Variants in TNN observed in about 807,000 individuals in gnomAD.
TNN encodes the protein tenascin N.
Under a neutral mutation model 134.4 loss-of-function variants are expected in TNN, and 122 were observed. The observed-to-expected ratio is 0.91, with a 90% CI of 0.78 to 1.06. The LOEUF (loss-of-function observed/expected upper bound fraction) is 1.06. Ranked by LOEUF, TNN falls within the 50% of genes least tolerant of loss-of-function variation. The pLI, the probability that TNN is intolerant of heterozygous loss-of-function variation, is 0.00. For synonymous variants in TNN, 710 were observed against 670.3 expected (o/e 1.06, Z -0.91); for missense variants, 1,739 against 1,699.4 (o/e 1.02, Z -0.41).
intron 9 of TNN, among the ~76,000 whole-genome samples, chr1:175,112,282 G>T (rs894842733): frequency 2.6e-5 from 4 of 152,006 alleles, no homozygotes; most frequent in Non-Finnish European, 5.9e-5. Flanking sequence ...TATGTGATGT[G>T]TCACATTTAT....
intron 15 of TNN, among the ~76,000 whole-genome samples, chr1:175,134,880 C>T (rs1675758271): frequency 6.6e-6 from 1 of 152,206 alleles, no homozygotes; most frequent in Non-Finnish European, 1.5e-5. Context: ...ACACTACAAG[C>T]TAGAGACGAA....
chr1:175,091,867 G>A (rs1279848625), intron 6 of TNN, among the ~76,000 whole-genome samples: 1 of 152,198 alleles, frequency 6.6e-6, no homozygotes, highest in Admixed American at 6.5e-5. Context: ...TGGAATTACA[G>A]GTATGAGCTG....
intron 6 of TNN, among the ~76,000 whole-genome samples, chr1:175,087,823 T>C (rs1674353002): frequency 6.6e-6 from 1 of 152,240 alleles, no homozygotes; most frequent in African/African-American, 2.4e-5. Context: ...TTCTGACCAA[T>C]CAGCTAGAAA....
intron 15 of TNN, among the ~76,000 whole-genome samples, chr1:175,132,287 A>G (rs1675694575): frequency 6.6e-6 from 1 of 152,186 alleles, no homozygotes; most frequent in South Asian, 2.1e-4. Context: ...CAGAAAGATA[A>G]GATTTATGCG....
intron 1 of TNN, among the ~76,000 whole-genome samples, chr1:175,077,182 C>T (rs762193846): frequency 1.3e-5 from 2 of 152,126 alleles, no homozygotes; most frequent in Non-Finnish European, 2.9e-5. Flanking sequence ...GCAGTGTGAA[C>T]AGTAAGCAAA....
intron 1 of TNN, among the ~76,000 whole-genome samples, chr1:175,075,694 T>C (rs11578961): frequency 0.29 from 44,204 of 152,154 alleles, 8,218 homozygotes; most frequent in African/African-American, 0.53. Context: ...TGACTAATCC[T>C]TGCTCACATA....
At chr1:175,110,964 C>T (rs1395009055) in intron 9 of TNN, among the ~76,000 whole-genome samples, 4 of 151,474 alleles carry the variant, frequency 2.6e-5, no homozygotes, top group Non-Finnish European at 5.9e-5. Flanking sequence ...CATTTGAGGT[C>T]AGGAGTTCAA....
chr1:175,128,865 G>C, intron 15 of TNN, 119 bp downstream of exon 15: 1 of 1,161,654 alleles, frequency 8.6e-7, no homozygotes, highest in Non-Finnish European at 1.1e-6. Context: ...CCATGGAAGA[G>C]AGGAGTTTTG....
chr1:175,097,285 A>T, intron 7 of TNN, 132 bp from the exon 8 acceptor site: 1 of 1,185,484 alleles, frequency 8.4e-7, no homozygotes, highest in Non-Finnish European at 1.2e-6. Context: ...TTAGACCTTT[A>T]CATTAACTCA....
rs536821329 is a variant in TNN at position 175,102,674 on chromosome 1, G to A, written c.2119+4079G>A. Among the ~76,000 whole-genome samples the A allele has an allele frequency of 4.0e-4, 59 of 145,744 alleles. 5 individuals carry two copies. The highest frequency in any genetic ancestry group is 7.0e-4 in the East Asian group (3 of 4,274). On this transcript the variant is annotated intron_variant, in intron 9 of 18. Coordinates refer to ENST00000239462, the MANE Select transcript of TNN (RefSeq NM_022093.2). ...CCATGCGCAGCCCTGGTTCCCACTC[G>A]CGCCTCTCCCTCCACACCTCCCCGC... is the stretch of plus-strand genomic sequence containing the variant.
chr1:175,092,874 G>A (rs1053587717), intron 6 of TNN, among the ~76,000 whole-genome samples: 1 of 152,158 alleles, frequency 6.6e-6, no homozygotes, highest in African/African-American at 2.4e-5. Context: ...ACCTTTGAAA[G>A]CTCCAAAGCC....
At chr1:175,135,769 C>T (rs2101850373) in intron 15 of TNN, 76 bp from the exon 16 acceptor site, 1 of 1,182,296 alleles carries the variant, frequency 8.5e-7, no homozygotes, top group Non-Finnish European at 1.3e-6. Context: ...TATGAGCAAG[C>T]TCTTGGTCTT....
At chr1:175,076,089 G>C (rs1225243465) in intron 1 of TNN, among the ~76,000 whole-genome samples, 1 of 152,174 alleles carries the variant, frequency 6.6e-6, no homozygotes, top group Non-Finnish European at 1.5e-5. Flanking sequence ...AAAATGTGAG[G>C]TGAAAGCTGG....
rs998042531 is a variant in TNN, at chr1:175,080,096, A to G, written c.785-67A>G. 47 of 1,585,318 alleles carry G rather than the reference A, an allele frequency of 3.0e-5. No individual in the cohort carries two copies. The Middle Eastern group carries it at 1.1e-3, about 38-fold the overall frequency. Reference sequence around the variant, plus strand: ...ACACCCACCCTTATAGTGCTCAGGGAATACTCACTGGGTCTGGATCGCCTC... The same window carrying G: ...ACACCCACCCTTATAGTGCTCAGGGGATACTCACTGGGTCTGGATCGCCTC... On this transcript the variant is annotated intron_variant, in intron 3 of 18. Transcript: ENST00000239462.
chr1:175,127,019 G>A lies in TNN; in HGVS notation c.2979G>A (p.Trp993Ter), dbSNP rs1352910020. 1 of 1,614,014 alleles carries A rather than the reference G, an allele frequency of 6.2e-7. No individual in the cohort carries two copies. Among genetic ancestry groups the A allele is most frequent in the African/African-American group, 1.3e-5 (1 of 74,916 alleles). The stretch of plus-strand genomic sequence containing the variant: ...CGCAGTCTGGTGGCATATTGACCTG[G>A]ACGCCCCCCTCTGCTCAGATCCACG... Reference protein sequence around the residue: ...AVTQSGGILTWTPPSAQIHGY... With the variant: ...AVTQSGGILT Residue 993 changes from tryptophan to a stop codon, truncating the protein, a stop_gained, in exon 13 of 19, where the codon TGG (tryptophan) becomes TGA (stop). Transcript: ENST00000239462. LOFTEE classifies it high-confidence loss of function.
chr1:175,139,114 A>G (rs1675887734), intron 17 of TNN, among the ~76,000 whole-genome samples: 1 of 152,252 alleles, frequency 6.6e-6, no homozygotes, highest in Non-Finnish European at 1.5e-5. Flanking sequence ...GGCCCAGGAC[A>G]GGACTGTGCA....
chr1:175,136,694 C>A (rs1675820032), intron 16 of TNN, 127 bp from the exon 17 acceptor site: 1 of 815,974 alleles, frequency 1.2e-6, no homozygotes, highest in Non-Finnish European at 1.9e-6. Flanking sequence ...GCTGAGACTG[C>A]CCCTTATTAG....
chr1:175,142,551 G>A (rs955828385), intron 17 of TNN, among the ~76,000 whole-genome samples: 4 of 152,180 alleles, frequency 2.6e-5, no homozygotes, highest in Non-Finnish European at 5.9e-5. Flanking sequence ...ATAGGTTGCC[G>A]GGGCCCAACC....
At chr1:175,093,833 A>C (rs1163688448) in intron 6 of TNN, among the ~76,000 whole-genome samples, 157 bp from the exon 7 acceptor site, 1 of 152,192 alleles carries the variant, frequency 6.6e-6, no homozygotes, top group Non-Finnish European at 1.5e-5. Context: ...TTCAAGCAGA[A>C]GCCAGTTGTC....
Sources: gnomAD v4.1 joint callset for allele counts (sites outside exome capture counted in the v4.1 genomes callset) on GRCh38, gnomAD v4.1.1 for gene constraint, MANE v1.5 for transcripts, NCBI Gene and HGNC (gene_info 2026-07-23, HGNC 2026-07-21) for gene names.